The following DNAJC24 variants were observed in gnomAD, a reference collection of about 807,000 sequenced individuals.
DNAJC24 encodes the protein DnaJ heat shock protein family (Hsp40) member C24.
Under a neutral mutation model 18.0 loss-of-function variants are expected in DNAJC24, and 17 were observed. That is an observed-to-expected ratio of 0.94 (90% CI 0.65 to 1.42). DNAJC24 has a LOEUF of 1.42. Among genes scored for constraint, DNAJC24 ranks in the 40% most tolerant of loss-of-function variants. The pLI is 0.00. For synonymous variants in DNAJC24, 55 were observed against 57.7 expected, an observed-to-expected ratio of 0.95 and a Z score of 0.21; for missense variants, 158 against 175.6, an observed-to-expected ratio of 0.90 and a Z score of 0.57.
intron 2 of DNAJC24, among the ~76,000 whole-genome samples, chr11:31,380,259 G>A (rs891217108): frequency 6.6e-6 from 1 of 152,180 alleles, no homozygotes; most frequent in African/African-American, 2.4e-5. Flanking sequence ...GAAAGAGATT[G>A]AGGATGTGGA....
chr11:31,395,551 A>C (rs1952536545), intron 2 of DNAJC24, among the ~76,000 whole-genome samples: 1 of 152,204 alleles, frequency 6.6e-6, no homozygotes, highest in Non-Finnish European at 1.5e-5. Context: ...CCTTTAAATG[A>C]TAGTCATTCT....
intron 4 of DNAJC24, among the ~76,000 whole-genome samples, chr11:31,430,023 C>A (rs1252220202): frequency 6.6e-6 from 1 of 152,184 alleles, no homozygotes; most frequent in African/African-American, 2.4e-5. Context: ...CCTCTCCTCC[C>A]AAAATCCTTG....
chr11:31,372,589 A>G (rs1952276143), intron 2 of DNAJC24, among the ~76,000 whole-genome samples: 1 of 135,936 alleles, frequency 7.4e-6, no homozygotes, highest in East Asian at 1.9e-4. Flanking sequence ...TGGTTCTTGT[A>G]GGCCATGCTG....
Position 31,376,689 on chromosome 11 carries a change from A to G in DNAJC24, c.111+5830A>G, listed in dbSNP as rs1484501075. ...CTCTGACTCTAGATTCTCTCGCATTATATCACACTTCTCATAATTGCCATC... is the reference window on the plus strand; with the variant it reads ...CTCTGACTCTAGATTCTCTCGCATTGTATCACACTTCTCATAATTGCCATC... On this transcript the variant is annotated intron_variant, in intron 2 of 4. Coordinates refer to ENST00000465995, the MANE Select transcript of DNAJC24 (RefSeq NM_181706.5). Among the ~76,000 whole-genome samples the G allele has an allele frequency of 3.9e-5, 6 of 152,198 alleles. No homozygotes were observed. In the East Asian group the frequency reaches 7.7e-4, roughly 19 times the overall value.
intron 2 of DNAJC24, among the ~76,000 whole-genome samples, chr11:31,379,047 A>G (rs1173322908): frequency 2.6e-5 from 4 of 152,098 alleles, no homozygotes; most frequent in Admixed American, 1.3e-4. Flanking sequence ...TGCTTATACT[A>G]TGTTACTCTC....
At chr11:31,386,530 G>C (rs1952432832) in intron 2 of DNAJC24, among the ~76,000 whole-genome samples, 1 of 151,986 alleles carries the variant, frequency 6.6e-6, no homozygotes, top group Non-Finnish European at 1.5e-5. Context: ...TGAAGGGAAG[G>C]ATCCAGTTCT....
At chr11:31,398,353 C>G (rs1952564478) in intron 2 of DNAJC24, among the ~76,000 whole-genome samples, 1 of 152,054 alleles carries the variant, frequency 6.6e-6, no homozygotes, top group South Asian at 2.1e-4. Flanking sequence ...GTAATCCCAT[C>G]ATTAATTTTG....
At position 31,375,590 on chromosome 11, in the gene DNAJC24, AG is replaced by A. The variant is rs1358373352; in HGVS notation, c.111+4733del. Among the ~76,000 whole-genome samples, 2 of 135,194 alleles carry A rather than the reference AG, an allele frequency of 1.5e-5. 1 individual carries two copies. The highest frequency in any genetic ancestry group is 3.4e-5 in the Non-Finnish European group (2 of 58,408). 88.7% of individuals were successfully genotyped at this position (135,194 alleles called of 152,430 possible). A position where few individuals can be genotyped will look rare whatever the true frequency, so the allele number is the denominator to read the frequency against. On this transcript the variant is annotated intron_variant, in intron 2 of 4. Transcript: ENST00000465995. ...ATAATTAACAAAAGCAGAGAGGAAT[AG>A]GATCTGAATCATAGGTAGAAGGATT...
intron 2 of DNAJC24, among the ~76,000 whole-genome samples, chr11:31,374,502 T>C (rs974710016): frequency 1.5e-5 from 2 of 134,432 alleles, no homozygotes; most frequent in African/African-American, 5.0e-5. Context: ...CTAGTTGCTA[T>C]TATTTTGTCA....
intron 2 of DNAJC24, among the ~76,000 whole-genome samples, chr11:31,372,321 C>T (rs1288041192): frequency 1.1e-5 from 1 of 91,150 alleles, no homozygotes; most frequent in African/African-American, 2.9e-5. Context: ...ATACCAGTTA[C>T]ATCAGTGTTG....
At chr11:31,405,602 A>G (rs1952649862) in intron 2 of DNAJC24, among the ~76,000 whole-genome samples, 1 of 151,910 alleles carries the variant, frequency 6.6e-6, no homozygotes, top group South Asian at 2.1e-4. Context: ...TTCAGCCTCC[A>G]GAGTAACTGG....
At chr11:31,417,506 G>A (rs185812448) in intron 3 of DNAJC24, among the ~76,000 whole-genome samples, 80 of 152,100 alleles carry the variant, frequency 5.3e-4, no homozygotes, top group African/African-American at 1.8e-3. Flanking sequence ...ATAGGTTACC[G>A]AGAGAGAGAG....
intron 3 of DNAJC24, chr11:31,422,007 T>A: frequency 2.3e-6 from 1 of 437,888 alleles, no homozygotes; most frequent in South Asian, 1.7e-5. Context: ...TGCCAGTGTT[T>A]TCTTAGATCC....
chr11:31,402,623 C>G (rs954123588), intron 2 of DNAJC24, among the ~76,000 whole-genome samples: 4 of 152,098 alleles, frequency 2.6e-5, no homozygotes, highest in Admixed American at 6.5e-5. Flanking sequence ...CACCTCCCAC[C>G]TCAGCCTCTT....
intron 2 of DNAJC24, among the ~76,000 whole-genome samples, chr11:31,394,416 A>C (rs914333474): frequency 1.3e-5 from 2 of 152,174 alleles, no homozygotes; most frequent in Non-Finnish European, 2.9e-5. Flanking sequence ...TTACAAATAA[A>C]TTTTAGGAAG....
chr11:31,409,384 A>G (rs910252292), intron 2 of DNAJC24, among the ~76,000 whole-genome samples: 5 of 152,158 alleles, frequency 3.3e-5, no homozygotes, highest in Admixed American at 6.5e-5. Flanking sequence ...AAGTTCCCTC[A>G]TGCCCCTCTT....
intron 2 of DNAJC24, among the ~76,000 whole-genome samples, chr11:31,371,770 G>A (rs1952262552): frequency 6.7e-6 from 1 of 148,814 alleles, no homozygotes; most frequent in Non-Finnish European, 1.5e-5. Flanking sequence ...TATTTCTATT[G>A]GGTAATGCTG....
chr11:31,389,793 C>G (rs912103441), intron 2 of DNAJC24, among the ~76,000 whole-genome samples: 6 of 152,224 alleles, frequency 3.9e-5, no homozygotes, highest in African/African-American at 1.4e-4. Context: ...TCAAACAAGT[C>G]TAAATAATAT....
chr11:31,413,238 A>C (rs1220442663), intron 2 of DNAJC24, among the ~76,000 whole-genome samples: 1 of 152,204 alleles, frequency 6.6e-6, no homozygotes, highest in Non-Finnish European at 1.5e-5. Flanking sequence ...ATTAAAAAAA[A>C]ACTATTCTAC....
Sources: allele counts gnomAD v4.1 joint callset (sites outside exome capture counted in the v4.1 genomes callset), GRCh38; gene constraint gnomAD v4.1.1; transcripts MANE v1.5; gene names NCBI Gene and HGNC (gene_info 2026-07-23, HGNC 2026-07-21).